CA12: variants seen among roughly 807,000 people sequenced by gnomAD.
The protein encoded by CA12 is carbonate dehydratase XII.
Under a neutral mutation model 46.8 loss-of-function variants are expected in CA12, and 36 were observed. That is an observed-to-expected ratio of 0.77 (90% CI 0.59 to 1.02). The LOEUF is 1.02. Ranked by LOEUF, CA12 falls within the 50% of genes least tolerant of loss-of-function variation. The pLI is 0.00. For synonymous variants in CA12, 202 were observed against 187.0 expected, an observed-to-expected ratio of 1.08 and a Z score of -0.65; for missense variants, 436 against 451.4, an observed-to-expected ratio of 0.97 and a Z score of 0.31.
At chr15:63,337,989 A>G (rs2039024588) in intron 8 of CA12, among the ~76,000 whole-genome samples, 1 of 152,178 alleles carries the variant, frequency 6.6e-6, no homozygotes, top group African/African-American at 2.4e-5. Context: ...CTACAGTAAG[A>G]AAGTGAGCTT....
intron 8 of CA12, among the ~76,000 whole-genome samples, chr15:63,337,606 G>A (rs779254415): frequency 1.1e-4 from 17 of 152,092 alleles, no homozygotes; most frequent in Non-Finnish European, 2.2e-4. Flanking sequence ...ACAGGCATGT[G>A]CCACCACGCC....
chr15:63,337,614 G>A (rs772583386), intron 8 of CA12, among the ~76,000 whole-genome samples: 5 of 152,052 alleles, frequency 3.3e-5, no homozygotes, highest in South Asian at 2.1e-4. Context: ...GTGCCACCAC[G>A]CCCGGCTAAT....
At chr15:63,380,781 G>T (rs1054431736) in intron 1 of CA12, among the ~76,000 whole-genome samples, 3 of 152,164 alleles carry the variant, frequency 2.0e-5, no homozygotes, top group Admixed American at 2.0e-4. Context: ...GCCTCGCCAG[G>T]AAGAATCTAG....
intron 2 of CA12, among the ~76,000 whole-genome samples, chr15:63,369,333 A>G (rs991758534): frequency 6.6e-6 from 1 of 152,194 alleles, no homozygotes; most frequent in South Asian, 2.1e-4. Context: ...CTTTCCCTCC[A>G]TATTAGTTCA....
Position 63,329,162 on chromosome 15 carries a change from A to G in CA12, c.875-1032T>C, listed in dbSNP as rs1237633598. On this transcript the variant is annotated intron_variant, in intron 8 of 10. Transcript: ENST00000178638. This position sits in a 1 kb window ranked among gnomAD's most constrained non-coding sequence, Gnocchi z 4.8. ...TTCTCCCCCAGCCCATCAGCTTGTC[A>G]TCATGGTTTGGTTCTATTTTTGCTT... Among the ~76,000 whole-genome samples, 5 of 152,214 alleles carry G rather than the reference A, an allele frequency of 3.3e-5. No individual in the cohort carries two copies.
chr15:63,326,197 C>A lies in CA12; in HGVS notation c.*88G>T. 1.0e-6 allele frequency: 1 copy of A among 985,036 alleles called. No homozygotes were observed. Among genetic ancestry groups the A allele is most frequent in the Non-Finnish European group, 1.6e-6 (1 of 610,274 alleles). 61.0% of individuals were successfully genotyped at this position (985,036 alleles called of 1,614,324 possible). On this transcript the variant is annotated 3_prime_UTR_variant, in exon 11 of 11. Transcript: ENST00000178638. ...TTGCAGATTGAGCTACAGAGAACAC[C>A]TTGAGGTGTCGCAAGTGTCCAGAGA...
In CA12 at chr15:63,374,246, G is replaced by A. The variant is rs1446516497; in HGVS notation, c.106+1412C>T. 6.6e-6 allele frequency among the ~76,000 whole-genome samples: 1 copy of A among 151,888 alleles called. No individual in the cohort carries two copies. The highest frequency in any genetic ancestry group is 6.6e-5 in the Admixed American group (1 of 15,232). ...CAACCCTTCTCCACATGCTTTCCTC[G>A]AACACCACCTTGCTCTTTCTTGCTT... is the stretch of plus-strand genomic sequence containing the variant. On this transcript the variant is annotated intron_variant, in intron 2 of 10. Transcript: ENST00000178638. The surrounding 1 kb of genome is among the most constrained non-coding windows in gnomAD (Gnocchi z 4.4).
Position 63,325,516 on chromosome 15 carries a change from A to G in CA12, c.*769T>C, listed in dbSNP as rs962972849. The G allele has an allele frequency of 1.3e-5, 2 of 152,448 alleles. No individual in the cohort carries two copies. Among genetic ancestry groups the G allele is most frequent in the Non-Finnish European group, 2.9e-5 (2 of 68,276 alleles). 9.4% of individuals were successfully genotyped at this position (152,448 alleles called of 1,614,324 possible). A position where few individuals can be genotyped will look rare whatever the true frequency, so the allele number is the denominator to read the frequency against. On this transcript the variant is annotated 3_prime_UTR_variant, in exon 11 of 11. Transcript: ENST00000178638. This position sits in a 1 kb window ranked among gnomAD's most constrained non-coding sequence, Gnocchi z 4.9. ...GCTTGATAAACAGAATGTGATTCCA[A>G]TTCTGATTCCAAAGTGAGACTCTCC...
rs2152615300 is a variant in CA12 at position 63,339,743 on chromosome 15, T to C, written c.747+545A>G. Among the ~76,000 whole-genome samples the C allele has an allele frequency of 6.6e-6, 1 of 152,352 alleles. No homozygotes were observed. The highest frequency in any genetic ancestry group is 2.1e-4 in the South Asian group (1 of 4,828). On this transcript the variant is annotated intron_variant, in intron 7 of 10. Transcript: ENST00000178638. This position sits in a 1 kb window ranked among gnomAD's most constrained non-coding sequence, Gnocchi z 4.3. ...TATGAGCAGTGACATGGAACTCAGATGACCTAACTTTGGGTCTCAGCTTTG... is the reference window on the plus strand; with the variant it reads ...TATGAGCAGTGACATGGAACTCAGACGACCTAACTTTGGGTCTCAGCTTTG...
In CA12 at chr15:63,345,571, C is replaced by G; in HGVS notation, c.335G>C (p.Arg112Pro). 1 of 1,613,486 alleles carries G rather than the reference C, an allele frequency of 6.2e-7. No individual in the cohort carries two copies. Among genetic ancestry groups the G allele is most frequent in the Non-Finnish European group, 8.5e-7 (1 of 1,180,008 alleles). The change falls in exon 4 of 11, where the codon CGC (arginine) becomes CCC (proline). Residue 112 changes from arginine (R) to proline (P), a missense_variant. Physicochemically the swap from Arg to Pro is moderately radical, Grantham distance 103. Coordinates refer to ENST00000178638, the MANE Select transcript of CA12 (RefSeq NM_001218.5). This position sits in a 1 kb window ranked among gnomAD's most constrained non-coding sequence, Gnocchi z 4.3. Reference protein sequence around the residue: ...SDMHIQGLQSRYSATQLHLHW... With the variant: ...SDMHIQGLQSPYSATQLHLHW... ...CAGGTGCAGCTGCGTGGCACTGTAG[C>G]GAGACTGGAGGCCCTGGATGTGCAT...
Position 63,341,213 on chromosome 15 carries a change from C to T in CA12, c.526-430G>A, listed in dbSNP as rs1173197171. 1.3e-5 allele frequency among the ~76,000 whole-genome samples: 2 copies of T among 152,174 alleles called. No homozygotes were observed. The highest frequency in any genetic ancestry group is 6.5e-5 in the Admixed American group (1 of 15,270). Reference sequence around the variant, plus strand: ...CATGCAAGCCAATCAGAAGACATTCCTCTATCTTGGGATAAAAAAAGAATT... The same window carrying T: ...CATGCAAGCCAATCAGAAGACATTCTTCTATCTTGGGATAAAAAAAGAATT... On this transcript the variant is annotated intron_variant, in intron 5 of 10. Transcript: ENST00000178638. The surrounding 1 kb of genome is among the most constrained non-coding windows in gnomAD (Gnocchi z 5.2).
chr15:63,332,501 G>C (rs1371729892), intron 8 of CA12, among the ~76,000 whole-genome samples: 2 of 152,194 alleles, frequency 1.3e-5, no homozygotes, highest in African/African-American at 4.8e-5. Context: ...TACAATGCTG[G>C]CACTTGGTGC....
At position 63,373,606 on chromosome 15, in the gene CA12, T is replaced by C. The variant is rs1369989845; in HGVS notation, c.106+2052A>G. ...CTGATAGAGTGCAGCTAAGAATCAC[T>C]TGGGGAGTGCGTTAAGAATACAGGT... On this transcript the variant is annotated intron_variant, in intron 2 of 10. Coordinates refer to ENST00000178638, the MANE Select transcript of CA12 (RefSeq NM_001218.5). The surrounding 1 kb of genome is among the most constrained non-coding windows in gnomAD (Gnocchi z 4.9). Among the ~76,000 whole-genome samples, 3 of 152,296 alleles carry C rather than the reference T, an allele frequency of 2.0e-5. No homozygotes were observed. The East Asian group carries it at 5.8e-4, about 29-fold the overall frequency.
chr15:63,379,626 C>T (rs552565996), intron 1 of CA12, among the ~76,000 whole-genome samples: 1 of 152,218 alleles, frequency 6.6e-6, no homozygotes, highest in Admixed American at 6.5e-5. Context: ...CTGTTAGAAC[C>T]TGCAGACCCA....
chr15:63,360,489 C>G (rs1434487016), intron 2 of CA12, among the ~76,000 whole-genome samples: 3 of 152,196 alleles, frequency 2.0e-5, no homozygotes, highest in Non-Finnish European at 2.9e-5. Context: ...TGTCTCTGTT[C>G]ACAGATATGC....
At chr15:63,376,576 T>TTC (rs1407103565) in intron 1 of CA12, among the ~76,000 whole-genome samples, 1 of 115,970 alleles carries the variant, frequency 8.6e-6, no homozygotes, top group African/African-American at 2.9e-5. Flanking sequence ...CTTTCTTTCT[T>TTC]TCTTTCTTTC....
chr15:63,371,813 C>T (rs2039511423), intron 2 of CA12, among the ~76,000 whole-genome samples: 1 of 151,400 alleles, frequency 6.6e-6, no homozygotes, highest in Non-Finnish European at 1.5e-5. Flanking sequence ...TTTCTGGTTG[C>T]TCTGTTGTTT....
chr15:63,354,924 G>A (rs2039276137), intron 2 of CA12, among the ~76,000 whole-genome samples: 1 of 152,156 alleles, frequency 6.6e-6, no homozygotes, highest in Non-Finnish European at 1.5e-5. Flanking sequence ...GGGACAAAAA[G>A]GCTCCGCAGT....
intron 2 of CA12, among the ~76,000 whole-genome samples, chr15:63,364,488 T>C (rs770111967): frequency 4.6e-5 from 7 of 152,070 alleles, no homozygotes; most frequent in Non-Finnish European, 8.8e-5. Context: ...CCAGTTAAAC[T>C]GTACAGGAGA....
Sources: gnomAD v4.1 joint callset for allele counts (sites outside exome capture counted in the v4.1 genomes callset) on GRCh38, gnomAD v4.1.1 for gene constraint, Gnocchi (gnomAD v3.1) non-coding constraint, MANE v1.5 for transcripts, NCBI Gene and HGNC (gene_info 2026-07-23, HGNC 2026-07-21) for gene names.